UBE2F: variants seen among roughly 807,000 people sequenced by gnomAD.
UBE2F encodes NEDD8-conjugating enzyme UBE2F.
In UBE2F, 5 loss-of-function variants were observed where a neutral mutation model predicts 29.6. The observed-to-expected ratio is 0.17, with a 90% CI of 0.09 to 0.36. The LOEUF (loss-of-function observed/expected upper bound fraction) is 0.36. UBE2F is among the 10% of genes least tolerant of loss of function. The probability of loss-of-function intolerance (pLI) is 1.00; values close to 1 mark genes in which losing one functional copy is unlikely to be tolerated. For synonymous variants in UBE2F, 66 were observed against 81.8 expected (o/e 0.81, Z 1.04); for missense variants, 141 against 228.5 (o/e 0.62, Z 2.47).
intron 4 of UBE2F, among the ~76,000 whole-genome samples, chr2:237,996,108 G>GT (rs1358336050): frequency 1.3e-5 from 2 of 152,126 alleles, no homozygotes; most frequent in African/African-American, 2.4e-5. Context: ...ATATTGTGCT[G>GT]TTTTTTACGA....
chr2:238,037,855 C>T (rs567781888), intron 9 of UBE2F, among the ~76,000 whole-genome samples: 4 of 152,292 alleles, frequency 2.6e-5, no homozygotes, highest in East Asian at 3.9e-4. Context: ...GCAACCCACC[C>T]GCCTTAGCCT....
At chr2:237,993,114 A>G (rs2063622772) in intron 3 of UBE2F, among the ~76,000 whole-genome samples, 2 of 151,996 alleles carry the variant, frequency 1.3e-5, no homozygotes, top group Admixed American at 1.3e-4. Context: ...CAGCCTCCCA[A>G]GTAGCTGGGA....
intron 2 of UBE2F, among the ~76,000 whole-genome samples, chr2:237,975,085 G>A (rs2063252638): frequency 6.6e-6 from 1 of 151,264 alleles, no homozygotes; most frequent in Admixed American, 6.6e-5. Context: ...CTTTATCACA[G>A]GTGTTTACAT....
chr2:237,979,002 G>A (rs188439271), intron 2 of UBE2F, among the ~76,000 whole-genome samples: 3 of 152,260 alleles, frequency 2.0e-5, no homozygotes, highest in Non-Finnish European at 1.5e-5. Context: ...TCTTTCACTT[G>A]TTCACCCAAC....
intron 2 of UBE2F, among the ~76,000 whole-genome samples, chr2:237,979,263 C>T (rs554378012): frequency 1.3e-5 from 2 of 152,176 alleles, no homozygotes; most frequent in Non-Finnish European, 2.9e-5. Flanking sequence ...GGAGCTGGGG[C>T]AGTGGGAGGG....
rs567628270 is a variant in UBE2F at position 237,993,965 on chromosome 2, G to T, written c.149-779G>T. On this transcript the variant is annotated intron_variant, in intron 3 of 9. Transcript: ENST00000272930. ...GTGGGCACAGAACATTGCCATCTGG[G>T]TCAGTAGAGCATTATTTTACCAATA... Among the ~76,000 whole-genome samples, 125 of 152,212 alleles carry T rather than the reference G, an allele frequency of 8.2e-4. No individual in the cohort carries two copies. The Middle Eastern group carries it at 0.027, about 33-fold the overall frequency.
intron 7 of UBE2F, 141 bp downstream of exon 7, chr2:238,030,754 C>T: frequency 2.9e-6 from 2 of 681,432 alleles, no homozygotes; most frequent in Non-Finnish European, 5.4e-6. Flanking sequence ...TCCTCTTCTC[C>T]CTGCTGCCTA....
At chr2:238,026,781 A>G (rs1286376458) in intron 6 of UBE2F, among the ~76,000 whole-genome samples, 1 of 152,118 alleles carries the variant, frequency 6.6e-6, no homozygotes, top group Non-Finnish European at 1.5e-5. Context: ...TGCCCATTTC[A>G]TTTTTGTATA....
Position 237,973,082 on chromosome 2 carries a change from T to C in UBE2F, c.-16-10T>C. ...TGGTCCTTAACCCTGCTTTCATTGC[T>C]GTCTTTCAGGGTAAAGGCAGCAGTA... On this transcript the variant is annotated splice_polypyrimidine_tract_variant and intron_variant, in intron 1 of 9. Transcript: ENST00000272930. The C allele has an allele frequency of 6.3e-7, 1 of 1,595,794 alleles. No homozygotes were observed. Among genetic ancestry groups the C allele is most frequent in the Middle Eastern group, 1.7e-4 (1 of 6,014 alleles).
At chr2:237,994,618 A>C (rs1262812655) in intron 3 of UBE2F, 126 bp from the exon 4 acceptor site, 1 of 701,148 alleles carries the variant, frequency 1.4e-6, no homozygotes, top group African/African-American at 1.8e-5. Context: ...AGGGAGATCT[A>C]CCAACTTTCC....
intron 4 of UBE2F, among the ~76,000 whole-genome samples, chr2:238,001,191 G>A (rs567649842): frequency 2.6e-5 from 4 of 151,670 alleles, no homozygotes; most frequent in Non-Finnish European, 4.4e-5. Flanking sequence ...GTGCCACCAC[G>A]CCCGGCTAAT....
At chr2:237,980,094 G>C (rs1219198474) in intron 2 of UBE2F, among the ~76,000 whole-genome samples, 1 of 152,262 alleles carries the variant, frequency 6.6e-6, no homozygotes, top group African/African-American at 2.4e-5. Flanking sequence ...TAAAGTTCTA[G>C]TTCTAGAAAT....
intron 4 of UBE2F, among the ~76,000 whole-genome samples, chr2:238,007,718 G>A (rs1216352188): frequency 6.6e-6 from 1 of 152,036 alleles, no homozygotes; most frequent in Non-Finnish European, 1.5e-5. Flanking sequence ...GCATTTGTGA[G>A]ATAAACCATA....
intron 1 of UBE2F, among the ~76,000 whole-genome samples, chr2:237,970,660 G>A (rs10929255): frequency 0.8 from 122,400 of 152,218 alleles, 49,462 homozygotes; most frequent in Admixed American, 0.83. Context: ...GGAAAAGACT[G>A]TGCAGTTCAG....
At chr2:238,031,897 A>G (rs2064590459) in intron 7 of UBE2F, among the ~76,000 whole-genome samples, 1 of 152,238 alleles carries the variant, frequency 6.6e-6, no homozygotes. Context: ...GTAACAAGTA[A>G]GAGGTGATTT....
At chr2:238,000,114 G>A (rs931828323) in intron 4 of UBE2F, among the ~76,000 whole-genome samples, 5 of 152,096 alleles carry the variant, frequency 3.3e-5, no homozygotes, top group South Asian at 2.1e-4. Flanking sequence ...GAGCCACTGC[G>A]CCCAGCCCAG....
rs777203425 is a variant in UBE2F at position 237,983,820 on chromosome 2, G to C, written c.119-4143G>C. Among the ~76,000 whole-genome samples, 92 of 152,150 alleles carry C rather than the reference G, an allele frequency of 6.0e-4. 2 individuals are homozygous for C. The highest frequency in any genetic ancestry group is 3.4e-3 in the Middle Eastern group (1 of 292). ...CTTGGACCCTCTGTGCTCTTTCACT[G>C]AATCACCACATCCCCGATGGCTGTC... is the stretch of plus-strand genomic sequence containing the variant. On this transcript the variant is annotated intron_variant, in intron 2 of 9. Coordinates refer to ENST00000272930, the MANE Select transcript of UBE2F (RefSeq NM_080678.3).
At chr2:238,032,885 T>G (rs2064617578) in intron 8 of UBE2F, among the ~76,000 whole-genome samples, 2 of 152,182 alleles carry the variant, frequency 1.3e-5, no homozygotes, top group South Asian at 4.1e-4. Context: ...TGAGGGGACT[T>G]TGGAGTGACA....
intron 5 of UBE2F, among the ~76,000 whole-genome samples, chr2:238,022,435 A>G (rs1453180776): frequency 6.6e-6 from 1 of 151,520 alleles, no homozygotes; most frequent in East Asian, 1.9e-4. Flanking sequence ...AGTATGTGAA[A>G]CTTTTTTCTT....
Sources: allele counts gnomAD v4.1 joint callset (sites outside exome capture counted in the v4.1 genomes callset), GRCh38; gene constraint gnomAD v4.1.1; transcripts MANE v1.5; gene names NCBI Gene and HGNC (gene_info 2026-07-23, HGNC 2026-07-21).